GRB10: variants seen among roughly 807,000 people sequenced by gnomAD.
GRB10 encodes the protein growth factor receptor-bound protein 10.
Under a neutral mutation model 80.9 loss-of-function variants are expected in GRB10, and 20 were observed. That is an observed-to-expected ratio of 0.25 (90% confidence interval 0.17 to 0.36). The LOEUF (loss-of-function observed/expected upper bound fraction) is 0.36. Among genes scored for constraint, GRB10 ranks in the 10% least tolerant of loss-of-function variants. GRB10 has a pLI of 1.00. For synonymous variants in GRB10, 291 were observed against 291.5 expected (o/e 1.00, Z 0.02); for missense variants, 548 against 747.7 (o/e 0.73, Z 3.12).
intron 4 of GRB10, among the ~76,000 whole-genome samples, chr7:50,724,495 T>C (rs2068269505): frequency 6.6e-6 from 1 of 152,182 alleles, no homozygotes; most frequent in Non-Finnish European, 1.5e-5. Flanking sequence ...AGTGGGTGCA[T>C]GAAGAGACCT....
At chr7:50,618,036 G>A (rs369473039) in intron 10 of GRB10, 35 bp downstream of exon 10, 17 of 1,526,726 alleles carry the variant, frequency 1.1e-5, no homozygotes, top group Non-Finnish European at 1.5e-5. Context: ...TATTCAGAAA[G>A]TCTATTTCAG....
intron 13 of GRB10, among the ~76,000 whole-genome samples, chr7:50,609,952 ATC>A (rs1175072790): frequency 6.6e-6 from 1 of 152,180 alleles, no homozygotes; most frequent in Non-Finnish European, 1.5e-5. Context: ...AAGAAAGTGT[ATC>A]TGTGTAGGTA....
rs1262197148 is a variant in GRB10, at chr7:50,669,808, T to G, written c.418A>C (p.Asn140His). ...FRTSSLPAIP[N>H]PFPELCGPGS... ...GGGCCACAGAGTTCAGGAAAAGGAT[T>G]GGGGATGGCCGGCAGAGATGAGGTT... The change falls in exon 7 of 19, where the codon AAT (asparagine) becomes CAT (histidine). Residue 140 changes from asparagine (N) to histidine (H), a missense_variant. Physicochemically the swap from Asn to His is moderately conservative, Grantham distance 68. This residue lies in a region of GRB10 where 245 missense variants were observed against 229.3 expected (regional missense o/e 1.07). Transcript: ENST00000401949. 6.2e-7 allele frequency: 1 copy of G among 1,614,020 alleles called. No individual in the cohort carries two copies. The highest frequency in any genetic ancestry group is 8.5e-7 in the Non-Finnish European group (1 of 1,179,978).
intron 13 of GRB10, among the ~76,000 whole-genome samples, chr7:50,612,523 C>T (rs575811386): frequency 6.6e-5 from 10 of 152,260 alleles, no homozygotes; most frequent in South Asian, 4.2e-4. Flanking sequence ...GTACTGAGTC[C>T]GGAAAACCTA....
intron 7 of GRB10, among the ~76,000 whole-genome samples, chr7:50,662,987 T>A (rs562738278): frequency 4.5e-4 from 69 of 152,350 alleles, no homozygotes; most frequent in African/African-American, 1.7e-3. Context: ...TTCCATAACA[T>A]AGATTCATTT....
rs773303032 is a variant in GRB10, at chr7:50,606,352, C to T, written c.1257G>A (p.Pro419=). The change falls in exon 14 of 19, where the codon CCG becomes CCA. Residue 419 remains proline (P), a synonymous_variant. Coordinates refer to ENST00000401949, the MANE Select transcript of GRB10 (RefSeq NM_001350814.2). ...IPQQRKALLS[P]FSTPVRSVSE... Reference sequence around the variant, plus strand: ...CTTTACTTACCACTGGCGTCGAGAACGGGGACAGCAAGGCCTTCCTCTGCT... The same window carrying T: ...CTTTACTTACCACTGGCGTCGAGAATGGGGACAGCAAGGCCTTCCTCTGCT... The T allele has an allele frequency of 4.3e-5, 70 of 1,613,716 alleles. No homozygotes were observed. The highest frequency in any genetic ancestry group is 5.3e-5 in the Non-Finnish European group (63 of 1,179,718).
chr7:50,593,519 C>T (rs1467543729), intron 18 of GRB10, among the ~76,000 whole-genome samples: 5 of 152,076 alleles, frequency 3.3e-5, no homozygotes, highest in Non-Finnish European at 7.4e-5. Context: ...TCCTGAGGCC[C>T]CAGGGGTTTA....
chr7:50,641,543 C>A (rs2153607222), intron 7 of GRB10, among the ~76,000 whole-genome samples: 1 of 152,300 alleles, frequency 6.6e-6, no homozygotes, highest in Non-Finnish European at 1.5e-5. Flanking sequence ...TTTCTTCAGG[C>A]CAGAGGCCAC....
At chr7:50,636,858 C>T (rs919206542) in intron 7 of GRB10, among the ~76,000 whole-genome samples, 3 of 147,252 alleles carry the variant, frequency 2.0e-5, no homozygotes, top group Admixed American at 6.8e-5. Context: ...TACTATTAAA[C>T]GTAGCACTGG....
At chr7:50,660,178 G>A (rs557280814) in intron 7 of GRB10, among the ~76,000 whole-genome samples, 25 of 152,312 alleles carry the variant, frequency 1.6e-4, no homozygotes, top group African/African-American at 5.5e-4. Context: ...CCGTGTTCAC[G>A]TGGGAAGTAG....
At chr7:50,728,981 C>G (rs2069149014) in intron 4 of GRB10, among the ~76,000 whole-genome samples, 1 of 152,212 alleles carries the variant, frequency 6.6e-6, no homozygotes, top group Non-Finnish European at 1.5e-5. Flanking sequence ...TCCAATAAAA[C>G]TTTATCTGCA....
At chr7:50,600,311 T>C (rs1214541895) in intron 17 of GRB10, among the ~76,000 whole-genome samples, 7 of 152,216 alleles carry the variant, frequency 4.6e-5, no homozygotes, top group Non-Finnish European at 8.8e-5. Flanking sequence ...AGAAACATAC[T>C]GTTTTACAGT....
chr7:50,735,570 C>A (rs1253721867), intron 3 of GRB10, among the ~76,000 whole-genome samples: 1 of 151,990 alleles, frequency 6.6e-6, no homozygotes, highest in Non-Finnish European at 1.5e-5. Flanking sequence ...AGAATGTGGG[C>A]CCATGTGTCT....
chr7:50,775,000 CA>C (rs113550371), intron 2 of GRB10, among the ~76,000 whole-genome samples: 17 of 143,100 alleles, frequency 1.2e-4, no homozygotes, highest in Admixed American at 4.2e-4. Context: ...CAAAACAAAA[CA>C]AAAAAAAAAA....
intron 2 of GRB10, among the ~76,000 whole-genome samples, chr7:50,766,701 T>C (rs2076375656): frequency 6.6e-6 from 1 of 152,170 alleles, no homozygotes; most frequent in Non-Finnish European, 1.5e-5. Context: ...TTGGACGCTT[T>C]ATCACCACCC....
At chr7:50,657,559 T>C (rs1478109822) in intron 7 of GRB10, among the ~76,000 whole-genome samples, 1 of 152,192 alleles carries the variant, frequency 6.6e-6, no homozygotes, top group Non-Finnish European at 1.5e-5. Context: ...AATCTGAAGA[T>C]GCCAGGGTTC....
At chr7:50,605,225 A>G in intron 15 of GRB10, 65 bp downstream of exon 15, 7 of 1,244,888 alleles carry the variant, frequency 5.6e-6, no homozygotes, top group Non-Finnish European at 5.9e-6. Flanking sequence ...CTCTGGGAGA[A>G]GACCACGTGG....
In GRB10 at chr7:50,792,242, C is replaced by T. The variant is rs180902174; in HGVS notation, c.-294+982G>A. Among the ~76,000 whole-genome samples the T allele has an allele frequency of 3.5e-4, 53 of 151,596 alleles. No homozygotes were observed. The East Asian group carries it at 5.5e-3, about 16-fold the overall frequency. On this transcript the variant is annotated intron_variant, in intron 1 of 16. Coordinates refer to the GRB10 transcript ENST00000335866. ...CTCCTTGTTTTGGTCTTTCCCCCCT[C>T]CCCCCCATCTCTTGAATGAAACTGG...
upstream of GRB10, among the ~76,000 whole-genome samples, chr7:50,787,420 T>G (rs1218238943): frequency 1.3e-5 from 2 of 152,238 alleles, no homozygotes; most frequent in Non-Finnish European, 2.9e-5. Flanking sequence ...TACATATCAC[T>G]CTGATTTTAA....
Sources: gnomAD v4.1 joint callset for allele counts (sites outside exome capture counted in the v4.1 genomes callset) on GRCh38, gnomAD v4.1.1 for gene constraint, gnomAD v4.1.1 regional missense constraint, MANE v1.5 for transcripts, NCBI Gene and HGNC (gene_info 2026-07-23, HGNC 2026-07-21) for gene names.